ALPK2: variants seen among roughly 807,000 people sequenced by gnomAD.
ALPK2 encodes the protein alpha-protein kinase 2.
ALPK2 carries 127 observed loss-of-function variants against 163.1 expected under a neutral mutation model. That is an observed-to-expected ratio of 0.78 (90% confidence interval 0.67 to 0.90). The LOEUF (loss-of-function observed/expected upper bound fraction) is 0.90. Ranked by LOEUF, ALPK2 falls within the 40% of genes least tolerant of loss-of-function variation. The probability of loss-of-function intolerance (pLI) is 0.00; values close to 1 mark genes in which losing one functional copy is unlikely to be tolerated. For missense variants in ALPK2, 2,360 were observed against 2,589.6 expected (o/e 0.91, Z 1.92); for synonymous variants, 953 against 959.1 (o/e 0.99, Z 0.12).
chr18:58,578,738 A>ACACACACACACT, intron 4 of ALPK2, 76 bp downstream of exon 4: 1 of 936,582 alleles, frequency 1.1e-6, no homozygotes, highest in East Asian at 2.7e-5. Flanking sequence ...GAAGAGACAC[A>ACACACACACACT]CACACACACA....
At chr18:58,565,883 G>A (rs1008935904) in intron 4 of ALPK2, among the ~76,000 whole-genome samples, 1 of 151,844 alleles carries the variant, frequency 6.6e-6, no homozygotes, top group African/African-American at 2.4e-5. Flanking sequence ...CCGGATTCAA[G>A]CAATTCTTCT....
At chr18:58,569,994 G>A (rs2144186599) in intron 4 of ALPK2, among the ~76,000 whole-genome samples, 1 of 152,306 alleles carries the variant, frequency 6.6e-6, no homozygotes, top group Non-Finnish European at 1.5e-5. Flanking sequence ...GCCGGGTGTG[G>A]TGGCGGGTGC....
At chr18:58,484,557 A>C (rs1213673651) in intron 12 of ALPK2, among the ~76,000 whole-genome samples, 1 of 152,200 alleles carries the variant, frequency 6.6e-6, no homozygotes, top group Non-Finnish European at 1.5e-5. Flanking sequence ...CATCCTGGCC[A>C]ACATGGTAAA....
intron 12 of ALPK2, among the ~76,000 whole-genome samples, chr18:58,483,811 C>T (rs369334008): frequency 4.0e-5 from 6 of 151,538 alleles, no homozygotes; most frequent in Admixed American, 2.6e-4. Flanking sequence ...GTGATCCGCC[C>T]GCCTCGGCCT....
In ALPK2 at chr18:58,536,794, A is replaced by G. The variant is rs138230043; in HGVS notation, c.3393T>C (p.Ser1131=). Residue 1131 remains serine, a synonymous_variant, in exon 5 of 13, where the codon AGT becomes AGC. Coordinates refer to ENST00000361673, the MANE Select transcript of ALPK2 (RefSeq NM_052947.4). The part of the protein sequence containing the change: ...SYEENFQERG[S]ETKQGVQQQS... ...GCTGCTGGACCCCCTGCTTTGTTTCACTTCCTCTTTCTTGGAAATTCTCTT... is the reference window on the plus strand; with the variant it reads ...GCTGCTGGACCCCCTGCTTTGTTTCGCTTCCTCTTTCTTGGAAATTCTCTT... 7.5e-4 allele frequency: 1,203 copies of G among 1,613,950 alleles called. 4 individuals carry two copies. Among genetic ancestry groups the G allele is most frequent in the Non-Finnish European group, 9.0e-4 (1,066 of 1,179,942 alleles).
rs1441858142 is a variant in ALPK2 at position 58,498,078 on chromosome 18, A to G, written c.6267T>C (p.Thr2089=). 6 of 1,614,054 alleles carry G rather than the reference A, an allele frequency of 3.7e-6. No individual in the cohort carries two copies. The highest frequency in any genetic ancestry group is 5.1e-6 in the Non-Finnish European group (6 of 1,180,004). Residue 2089 remains threonine (T), a synonymous_variant, in exon 12 of 13, where the codon ACT becomes ACC. Coordinates refer to ENST00000361673, the MANE Select transcript of ALPK2 (RefSeq NM_052947.4). ...TDMQGVGMKL[T]DVGIATLAKG... Reference sequence around the variant, plus strand: ...TAGCCAGCGTTGCTATGCCAACGTCAGTTAGCTTCATTCCTACACCTACAG... The same window carrying G: ...TAGCCAGCGTTGCTATGCCAACGTCGGTTAGCTTCATTCCTACACCTACAG...
At chr18:58,492,522 C>G (rs1412464666) in intron 12 of ALPK2, among the ~76,000 whole-genome samples, 1 of 152,204 alleles carries the variant, frequency 6.6e-6, no homozygotes, top group African/African-American at 2.4e-5. Flanking sequence ...CACTCAGGCT[C>G]TGTCACCCCA....
chr18:58,550,665 GT>G (rs2051753157), intron 4 of ALPK2, among the ~76,000 whole-genome samples: 1 of 120,988 alleles, frequency 8.3e-6, no homozygotes, highest in Non-Finnish European at 1.7e-5. Flanking sequence ...TCTCCATCAT[GT>G]ACAACCCCAT....
chr18:58,513,231 A>G (rs78739045), intron 10 of ALPK2, among the ~76,000 whole-genome samples: 13 of 87,766 alleles, frequency 1.5e-4, no homozygotes, highest in Admixed American at 8.1e-4. Context: ...TTTGTGTGGT[A>G]TGTGTGTGTG....
chr18:58,534,709 C>T, intron 5 of ALPK2, 125 bp downstream of exon 5: 1 of 1,305,504 alleles, frequency 7.7e-7, no homozygotes, highest in Non-Finnish European at 1.0e-6. Flanking sequence ...TGGCCACAAC[C>T]ATAGCATCAA....
Position 58,537,769 on chromosome 18 carries a change from A to G in ALPK2, c.2418T>C (p.Cys806=), listed in dbSNP as rs2051661916. 6.2e-7 allele frequency: 1 copy of G among 1,614,032 alleles called. No homozygotes were observed. Among genetic ancestry groups the G allele is most frequent in the African/African-American group, 1.3e-5 (1 of 74,902 alleles). The change falls in exon 5 of 13, where the codon TGT becomes TGC. Residue 806 remains cysteine (C), a synonymous_variant. Transcript: ENST00000361673. ...RDREAVCAME[C]FEAGDQGTCF... ...ACGTTCCTTGGTCACCAGCCTCAAA[A>G]CACTCCATTGCACACACTGCTTCTC...
Position 58,548,384 on chromosome 18 carries a change from G to A in ALPK2, c.1963-10160C>T, listed in dbSNP as rs144400980. Among the ~76,000 whole-genome samples the A allele has an allele frequency of 7.5e-3, 1,140 of 151,106 alleles. 8 individuals carry two copies. The highest frequency in any genetic ancestry group is 9.7e-3 in the Non-Finnish European group (657 of 67,818). On this transcript the variant is annotated intron_variant, in intron 4 of 12. Transcript: ENST00000361673. ...TATGTTGTCCATATCACAGTGGTGC[G>A]ATCTCGGCTTATAGCAACATCTGCC...
At chr18:58,598,517 A>G (rs1479937928) in intron 3 of ALPK2, among the ~76,000 whole-genome samples, 1 of 152,158 alleles carries the variant, frequency 6.6e-6, no homozygotes, top group Non-Finnish European at 1.5e-5. Flanking sequence ...CTGTCATGAG[A>G]GGCCCTCAGC....
At chr18:58,511,599 G>A (rs940831356) in intron 10 of ALPK2, 10 of 152,170 alleles carry the variant, frequency 6.6e-5, no homozygotes, top group African/African-American at 2.2e-4. Flanking sequence ...AGCCAAAGGT[G>A]CTTGGAAAAA....
At chr18:58,504,234 C>G in intron 10 of ALPK2, 86 bp from the exon 11 acceptor site, 1 of 1,146,964 alleles carries the variant, frequency 8.7e-7, no homozygotes, top group Non-Finnish European at 1.3e-6. Context: ...CCTGGAGCAG[C>G]ACGGAGCATA....
intron 4 of ALPK2, among the ~76,000 whole-genome samples, chr18:58,553,733 C>T (rs1349598143): frequency 1.3e-5 from 2 of 152,022 alleles, no homozygotes; most frequent in African/African-American, 4.8e-5. Context: ...TTCCCCTTCA[C>T]CTTCTGCCGT....
intron 4 of ALPK2, among the ~76,000 whole-genome samples, chr18:58,554,443 G>T (rs2051778372): frequency 6.6e-6 from 1 of 152,154 alleles, no homozygotes; most frequent in Non-Finnish European, 1.5e-5. Context: ...GTCACTAAAG[G>T]CCACATCCTG....
At chr18:58,522,024 A>G (rs973850142) in intron 8 of ALPK2, among the ~76,000 whole-genome samples, 4 of 152,198 alleles carry the variant, frequency 2.6e-5, no homozygotes, top group African/African-American at 9.7e-5. Context: ...GTTTCTGCAG[A>G]GATTTCAGGC....
chr18:58,584,082 TAAC>T (rs753415473), intron 3 of ALPK2, among the ~76,000 whole-genome samples: 65 of 152,150 alleles, frequency 4.3e-4, no homozygotes, highest in Middle Eastern at 6.8e-3. Context: ...TTTAAATTCT[TAAC>T]AACTAAATAA....
Sources: allele counts gnomAD v4.1 joint callset (sites outside exome capture counted in the v4.1 genomes callset), GRCh38; gene constraint gnomAD v4.1.1; transcripts MANE v1.5; gene names NCBI Gene and HGNC (gene_info 2026-07-23, HGNC 2026-07-21).